Variants in KANTR observed in about 807,000 individuals in gnomAD.
KANTR encodes the protein KANTR integral membrane protein.
At chrX:53,115,615 C>G (rs1268602630) in intron 2 of KANTR, among the ~76,000 whole-genome samples, 1 of 113,181 alleles carries the variant, frequency 8.8e-6, no homozygotes, top group Non-Finnish European at 1.9e-5. Flanking sequence ...GAGGCTTGGG[C>G]TGTGGGTGCC....
At chrX:53,110,512 T>C (rs782398504) in intron 2 of KANTR, among the ~76,000 whole-genome samples, 1 of 112,371 alleles carries the variant, frequency 8.9e-6, no homozygotes, top group Non-Finnish European at 1.9e-5. Context: ...CTGTTAAATA[T>C]GGTTTCCAGT....
intron 2 of KANTR, among the ~76,000 whole-genome samples, chrX:53,139,220 CAAAAAAA>C (rs200871442): frequency 3.8e-5 from 3 of 79,848 alleles, no homozygotes; most frequent in East Asian, 3.6e-4. Context: ...GACTCCGTCT[CAAAAAAA>C]AAAAAAAAAA....
downstream of KANTR, chrX:53,143,836 C>A: frequency 2.1e-6 from 1 of 477,050 alleles, no homozygotes; most frequent in Admixed American, 2.6e-5. Context: ...AGCTCAGGGG[C>A]CATCCATCCC....
At chrX:53,120,478 GCT>G (rs1556815331) in intron 2 of KANTR, among the ~76,000 whole-genome samples, 1 of 111,520 alleles carries the variant, frequency 9.0e-6, no homozygotes, top group African/African-American at 3.3e-5. Flanking sequence ...GCCTGACATA[GCT>G]CTCTATTGTA....
intron 2 of KANTR, among the ~76,000 whole-genome samples, chrX:53,105,490 CTTCT>C (rs1172198420): frequency 3.0e-5 from 2 of 66,402 alleles, no homozygotes; most frequent in Non-Finnish European, 6.5e-5. Context: ...AGTTGCAGGA[CTTCT>C]TTTTTTTTTT....
At position 53,124,262 on chromosome X, in the gene KANTR, G is replaced by T; in HGVS notation, c.-11G>T. ...TTCCTTTTTATTCTGTGCTGTGTAT[G>T]AACTGTAACAATGTCTCCTTTTTCA... On this transcript the variant is annotated 5_prime_UTR_variant, in exon 3 of 3. An upstream start codon of the reference 5' UTR is lost. Coordinates refer to ENST00000604062, the Ensembl canonical transcript of KANTR. The T allele has an allele frequency of 3.4e-6, 1 of 293,138 alleles. No individual in the cohort carries two copies. Among genetic ancestry groups the T allele is most frequent in the South Asian group, 2.0e-4 (1 of 4,881 alleles). 24.2% of individuals were successfully genotyped at this position (293,138 alleles called of 1,213,427 possible).
intron 2 of KANTR, among the ~76,000 whole-genome samples, chrX:53,136,693 CATATATATATATATATATATATATATAT>C (rs58263602): frequency 3.2e-4 from 3 of 9,300 alleles, no homozygotes; most frequent in Non-Finnish European, 3.7e-4. Flanking sequence ...CCACGCCCGG[CATATATATATATATATATATATATATAT>C]ATATATATAT....
At chrX:53,113,771 G>A (rs1473095561) in intron 2 of KANTR, among the ~76,000 whole-genome samples, 2 of 108,581 alleles carry the variant, frequency 1.8e-5, no homozygotes, top group African/African-American at 6.7e-5. Context: ...GTAGAGATGG[G>A]GGTTTCACCA....
rs1933252807 is a variant in KANTR at position 53,123,473 on chromosome X, T to G, written c.-800T>G. The stretch of plus-strand genomic sequence containing the variant: ...TGATGAAGCTCTTATTTGCAGAACA[T>G]GCATCATTATTAGAACCATCACCCT... On this transcript the variant is annotated 5_prime_UTR_variant, in exon 3 of 3. It removes an upstream start codon present in the reference 5' UTR. Transcript: ENST00000604062. 8.9e-6 allele frequency: 1 copy of G among 111,849 alleles called. No homozygotes were observed. Among genetic ancestry groups the G allele is most frequent in the African/African-American group, 3.3e-5 (1 of 30,726 alleles). The allele number at this position is 111,849 out of a possible 1,213,427, so 9.2% of individuals were successfully genotyped here. A position where few individuals can be genotyped will look rare whatever the true frequency, so the allele number is the denominator to read the frequency against.
At chrX:53,142,509 T>G in exon 3 of KANTR, 1 of 216,711 alleles carries the variant, frequency 4.6e-6, no homozygotes, top group Non-Finnish European at 8.6e-6. Flanking sequence ...AGAGACGGGG[T>G]TTCAGCATGT....
intron 2 of KANTR, among the ~76,000 whole-genome samples, chrX:53,110,399 A>T (rs1933015112): frequency 1.8e-5 from 2 of 111,845 alleles, no homozygotes; most frequent in African/African-American, 6.5e-5. Flanking sequence ...ATCTATTGAC[A>T]TATGGTTTTT....
chrX:53,103,811 C>G (rs1556812275), intron 2 of KANTR, among the ~76,000 whole-genome samples: 2 of 111,577 alleles, frequency 1.8e-5, no homozygotes, highest in Non-Finnish European at 3.8e-5. Context: ...TATCCACATA[C>G]TCTGCCTTCT....
At chrX:53,146,413 T>C (rs1556819361), downstream of KANTR, among the ~76,000 whole-genome samples, 2 of 111,211 alleles carry the variant, frequency 1.8e-5, no homozygotes, top group African/African-American at 6.6e-5. Context: ...ATCAAATGAA[T>C]GAAATGAAGC....
At chrX:53,143,752 A>G (rs1933535187), downstream of KANTR, 2 of 576,190 alleles carry the variant, frequency 3.5e-6, no homozygotes, top group African/African-American at 2.2e-5. Context: ...CTCATGGCCC[A>G]TGTAGGAGTC....
At position 53,115,394 on chromosome X, in the gene KANTR, G is replaced by T. The variant is rs1602120023; in HGVS notation, c.-804-8075G>T. Among the ~76,000 whole-genome samples the T allele has an allele frequency of 2.7e-5, 3 of 112,391 alleles. No individual in the cohort carries two copies. The Admixed American group carries it at 2.8e-4, about 10-fold the overall frequency. ...GGGCCTGAAACCTGGGGCCGGGGGG[G>T]CCAGCCCCATGCTGGGGATGGTCTG... On this transcript the variant is annotated intron_variant, in intron 2 of 2. Transcript: ENST00000604062.
intron 2 of KANTR, among the ~76,000 whole-genome samples, chrX:53,110,007 G>A (rs984146735): frequency 9.0e-6 from 1 of 111,527 alleles, no homozygotes; most frequent in Admixed American, 9.5e-5. Context: ...TGCCAGCCCC[G>A]GCCTCCCAAA....
chrX:53,143,184 A>G, downstream of KANTR: 1 of 804,591 alleles, frequency 1.2e-6, no homozygotes, highest in Non-Finnish European at 1.9e-6. Flanking sequence ...TGATGACCTG[A>G]CCTGGCCATC....
chrX:53,136,198 G>T (rs1160781930), intron 2 of KANTR, among the ~76,000 whole-genome samples: 2 of 111,474 alleles, frequency 1.8e-5, no homozygotes, highest in East Asian at 5.6e-4. Flanking sequence ...CTAAAACTCT[G>T]TTTTCACCCA....
downstream of KANTR, chrX:53,143,173 G>C (rs1439862020): frequency 5.2e-5 from 45 of 867,167 alleles, no homozygotes; most frequent in Non-Finnish European, 6.5e-5. Context: ...GTTGCCGATG[G>C]TGATGACCTG....
Sources: allele counts gnomAD v4.1 joint callset (sites outside exome capture counted in the v4.1 genomes callset), GRCh38; gene constraint gnomAD v4.1.1; transcripts MANE v1.5; gene names NCBI Gene and HGNC (gene_info 2026-07-23, HGNC 2026-07-21).